Variants in PCDHA11 observed in about 807,000 individuals in gnomAD.
PCDHA11 encodes protocadherin alpha 11, also known as protocadherin alpha-11.
A neutral mutation model predicts 70.3 loss-of-function variants in PCDHA11; 61 were observed. That is an observed-to-expected ratio of 0.87 (90% CI 0.71 to 1.07). The LOEUF (loss-of-function observed/expected upper bound fraction) is 1.07, where lower values mean the gene tolerates loss of function less well. PCDHA11 is among the 50% of genes least tolerant of loss of function. The pLI is 0.00. For missense variants in PCDHA11, 1,324 were observed against 1,237.5 expected (o/e 1.07, Z -1.05); for synonymous variants, 633 against 555.1 (o/e 1.14, Z -1.97).
At chr5:140,981,207 T>C (rs1163326728) in intron 2 of PCDHA11, among the ~76,000 whole-genome samples, 1 of 152,230 alleles carries the variant, frequency 6.6e-6, no homozygotes, top group Non-Finnish European at 1.5e-5. Context: ...TTGCCTCATA[T>C]AACCCCTTTA....
At chr5:140,971,807 T>C in intron 1 of PCDHA11, among the ~76,000 whole-genome samples, 1 of 152,270 alleles carries the variant, frequency 6.6e-6, no homozygotes, top group Middle Eastern at 3.4e-3. Context: ...TATTATAATA[T>C]TGAATACATA....
chr5:140,878,274 C>G (rs1273765492), intron 1 of PCDHA11, among the ~76,000 whole-genome samples: 3 of 152,092 alleles, frequency 2.0e-5, no homozygotes, highest in Non-Finnish European at 1.5e-5. Flanking sequence ...TTTAAAATAG[C>G]CTTCTTGATC....
chr5:140,968,896 A>G (rs2096277975), intron 1 of PCDHA11: 1 of 1,614,240 alleles, frequency 6.2e-7, no homozygotes, highest in Non-Finnish European at 8.5e-7. Context: ...ATCTAATAAT[A>G]GCATTAAGCA....
intron 1 of PCDHA11, among the ~76,000 whole-genome samples, chr5:140,955,521 TC>T (rs2095199105): frequency 6.6e-6 from 1 of 152,142 alleles, no homozygotes; most frequent in Non-Finnish European, 1.5e-5. Context: ...TGCTTTCCCT[TC>T]CACCATGATT....
rs576414745 is a variant in PCDHA11, at chr5:140,895,584, G to T, written c.2391+24090G>T. Among the ~76,000 whole-genome samples the T allele has an allele frequency of 9.2e-5, 14 of 152,210 alleles. No individual in the cohort carries two copies. In the South Asian group the frequency reaches 2.7e-3, roughly 29 times the overall value. The stretch of plus-strand genomic sequence containing the variant: ...TATTCTAGATGCAATTACTTTATTA[G>T]ATATATAATTTGCAAAGATTTTCTC... On this transcript the variant is annotated intron_variant, in intron 1 of 3. Coordinates refer to ENST00000398640, the MANE Select transcript of PCDHA11 (RefSeq NM_018902.5).
intron 1 of PCDHA11, among the ~76,000 whole-genome samples, chr5:140,920,983 T>C (rs1472212249): frequency 6.6e-6 from 1 of 152,106 alleles, no homozygotes; most frequent in Non-Finnish European, 1.5e-5. Context: ...AATATTGTAT[T>C]TGCTTATTTT....
chr5:140,915,138 G>A (rs139042327), intron 1 of PCDHA11, among the ~76,000 whole-genome samples: 2,353 of 151,838 alleles, frequency 0.015, 60 homozygotes, highest in African/African-American at 0.053. Context: ...TAGTAGAGAC[G>A]GGGTTTCACC....
At chr5:140,941,214 C>CCTTCCTTTCTTTCTTTCTTT (rs1554214040) in intron 1 of PCDHA11, among the ~76,000 whole-genome samples, 29 of 122,492 alleles carry the variant, frequency 2.4e-4, no homozygotes, top group South Asian at 5.9e-4. Flanking sequence ...TTTCTTTCTT[C>CCTTCCTTTCTTTCTTTCTTT]CTTTCTTTCT....
chr5:140,973,754 G>A (rs2096600951), intron 1 of PCDHA11, among the ~76,000 whole-genome samples: 1 of 152,198 alleles, frequency 6.6e-6, no homozygotes, highest in South Asian at 2.1e-4. Flanking sequence ...CACTCTGCAG[G>A]GACACAGCCT....
chr5:140,927,917 TC>T (rs1554205257), intron 1 of PCDHA11: 2 of 1,614,182 alleles, frequency 1.2e-6, no homozygotes, highest in Non-Finnish European at 8.5e-7. Flanking sequence ...GAACTGGACT[TC>T]CTGACTCTTT....
At chr5:140,875,600 C>A (rs2055640130) in intron 1 of PCDHA11, 5 of 1,613,766 alleles carry the variant, frequency 3.1e-6, no homozygotes, top group African/African-American at 1.3e-5. Flanking sequence ...AAACACGGCA[C>A]CTTCGTGGGC....
At chr5:140,901,909 C>T (rs2068974930) in intron 1 of PCDHA11, among the ~76,000 whole-genome samples, 1 of 151,454 alleles carries the variant, frequency 6.6e-6, no homozygotes, top group African/African-American at 2.4e-5. Context: ...TTGTGGAGAT[C>T]TTTCACTTCT....
At chr5:140,953,062 C>A (rs2094842577) in intron 1 of PCDHA11, among the ~76,000 whole-genome samples, 1 of 152,160 alleles carries the variant, frequency 6.6e-6, no homozygotes, top group East Asian at 1.9e-4. Context: ...CTCTCACAGG[C>A]CCCATCTCCA....
chr5:140,874,590 T>C (rs1345853316), intron 1 of PCDHA11, among the ~76,000 whole-genome samples: 11 of 152,248 alleles, frequency 7.2e-5, no homozygotes, highest in Non-Finnish European at 1.5e-4. Flanking sequence ...TTTGGGATAG[T>C]GTGAAATTTG....
rs549259485 is a variant in PCDHA11, at chr5:140,926,218, A to C, written c.2392-52731A>C. 2.0e-5 allele frequency among the ~76,000 whole-genome samples: 3 copies of C among 152,070 alleles called. No individual in the cohort carries two copies. In the South Asian group the frequency reaches 6.3e-4, roughly 32 times the overall value. On this transcript the variant is annotated intron_variant, in intron 1 of 3. Coordinates refer to ENST00000398640, the MANE Select transcript of PCDHA11 (RefSeq NM_018902.5). ...TCTTTCGGGGGGCTCCTGTTTCCTT[A>C]AGCCTAGAAGGTGTGGTCGCTCACG...
intron 1 of PCDHA11, chr5:140,927,030 A>T: frequency 6.2e-7 from 1 of 1,612,410 alleles, no homozygotes; most frequent in Non-Finnish European, 8.5e-7. Flanking sequence ...TGAGGCTGCC[A>T]GCGGCCGCTA....
chr5:141,005,819 G>A, intron 3 of PCDHA11, among the ~76,000 whole-genome samples: 1 of 151,636 alleles, frequency 6.6e-6, no homozygotes, highest in South Asian at 2.1e-4. Context: ...CAGGTATGGT[G>A]GCCTGTAGTC....
intron 3 of PCDHA11, among the ~76,000 whole-genome samples, chr5:141,001,849 T>G (rs889682000): frequency 6.6e-6 from 1 of 151,820 alleles, no homozygotes; most frequent in Non-Finnish European, 1.5e-5. Context: ...GAGAGAGAGG[T>G]TGATTAAATT....
intron 1 of PCDHA11, among the ~76,000 whole-genome samples, chr5:140,911,976 A>G (rs1270778875): frequency 6.6e-6 from 1 of 152,218 alleles, no homozygotes; most frequent in Non-Finnish European, 1.5e-5. Context: ...ATTAACTCAC[A>G]TGATCACAAG....
Sources: allele counts gnomAD v4.1 joint callset (sites outside exome capture counted in the v4.1 genomes callset), GRCh38; gene constraint gnomAD v4.1.1; transcripts MANE v1.5; gene names NCBI Gene and HGNC (gene_info 2026-07-23, HGNC 2026-07-21).